The following PPP2R5C variants were observed in gnomAD, a reference collection of about 807,000 sequenced individuals.
PPP2R5C encodes the protein serine/threonine-protein phosphatase 2A 56 kDa regulatory subunit gamma isoform.
PPP2R5C carries 7 observed loss-of-function variants against 68.9 expected under a neutral mutation model. That is an observed-to-expected ratio of 0.10 (90% CI 0.06 to 0.19). The LOEUF (loss-of-function observed/expected upper bound fraction) is 0.19. Among genes scored for constraint, PPP2R5C ranks in the 10% least tolerant of loss-of-function variants. The probability of loss-of-function intolerance (pLI) is 1.00; values close to 1 mark genes in which losing one functional copy is unlikely to be tolerated. For missense variants in PPP2R5C, 348 were observed against 641.3 expected (o/e 0.54, Z 4.94); for synonymous variants, 210 against 222.2 (o/e 0.95, Z 0.49).
At chr14:101,907,040 C>T (rs971957519) in intron 10 of PPP2R5C, among the ~76,000 whole-genome samples, 4 of 152,174 alleles carry the variant, frequency 2.6e-5, no homozygotes, top group Non-Finnish European at 5.9e-5. Flanking sequence ...CCTCCTACTC[C>T]GCTCCTTCAT....
At chr14:101,874,238 A>C (rs1258095788) in intron 2 of PPP2R5C, among the ~76,000 whole-genome samples, 1 of 152,220 alleles carries the variant, frequency 6.6e-6, no homozygotes, top group African/African-American at 2.4e-5. Context: ...ATCACGTTGG[A>C]TAGAGAGTAT....
chr14:101,913,927 T>C lies in PPP2R5C; in HGVS notation c.1326+1454T>C, dbSNP rs1238108395. The stretch of plus-strand genomic sequence containing the variant: ...ACGAATCAGAAGGTCTGATTTTATG[T>C]ACCTAGAATATAGAGATAACTTATT... On this transcript the variant is annotated intron_variant, in intron 12 of 13. Coordinates refer to ENST00000334743, the Ensembl canonical transcript of PPP2R5C. The surrounding 1 kb of genome is among the most constrained non-coding windows in gnomAD (Gnocchi z 4.1). Among the ~76,000 whole-genome samples the C allele has an allele frequency of 6.6e-6, 1 of 152,188 alleles. No homozygotes were observed. The highest frequency in any genetic ancestry group is 2.4e-5 in the African/African-American group (1 of 41,436).
chr14:101,906,655 T>C lies in PPP2R5C; in HGVS notation c.1151+126T>C. On this transcript the variant is annotated intron_variant, in intron 10 of 13. Transcript: ENST00000334743. The surrounding 1 kb of genome is among the most constrained non-coding windows in gnomAD (Gnocchi z 4.0). ...TAAAAAACAAGAAGGTCAGTTGCTT[T>C]GTGGACTCATAAATTAAGTAGCAGC... 1 of 1,275,024 alleles carries C rather than the reference T, an allele frequency of 7.8e-7. No homozygotes were observed. The highest frequency in any genetic ancestry group is 1.5e-5 in the African/African-American group (1 of 65,784). The allele number at this position is 1,275,024 out of a possible 1,614,324, so 79.0% of individuals were successfully genotyped here. A position where few individuals can be genotyped will look rare whatever the true frequency, so the allele number is the denominator to read the frequency against.
chr14:101,808,089 CAG>C (rs540090613), upstream of PPP2R5C, among the ~76,000 whole-genome samples: 2 of 151,148 alleles, frequency 1.3e-5, no homozygotes, highest in South Asian at 4.2e-4. Flanking sequence ...TGGCATCACT[CAG>C]AGGAGGAGGA....
chr14:101,854,193 G>A (rs1048886144), intron 1 of PPP2R5C, among the ~76,000 whole-genome samples: 1 of 152,144 alleles, frequency 6.6e-6, no homozygotes, highest in Non-Finnish European at 1.5e-5. Flanking sequence ...TTCTCATGGT[G>A]TTTTAGGATC....
intron 1 of PPP2R5C, among the ~76,000 whole-genome samples, chr14:101,814,026 A>G (rs140715608): frequency 4.9e-4 from 74 of 152,368 alleles, no homozygotes; most frequent in Non-Finnish European, 6.6e-4. Flanking sequence ...GACTTAACCT[A>G]TATTAATAAT....
At chr14:101,763,230 A>T (rs374906749) in intron 2 of PPP2R5C, among the ~76,000 whole-genome samples, 6 of 150,292 alleles carry the variant, frequency 4.0e-5, no homozygotes, top group African/African-American at 1.5e-4. Flanking sequence ...TTTGTTTTTT[A>T]TTTTTTTGAG....
At chr14:101,831,481 A>C (rs1005513423) in intron 1 of PPP2R5C, among the ~76,000 whole-genome samples, 2 of 152,372 alleles carry the variant, frequency 1.3e-5, no homozygotes, top group East Asian at 3.9e-4. Flanking sequence ...GCCAGTGGGC[A>C]TAGCATCTTT....
At chr14:101,769,414 G>A (rs2037035275) in intron 2 of PPP2R5C, among the ~76,000 whole-genome samples, 1 of 152,190 alleles carries the variant, frequency 6.6e-6, no homozygotes, top group Non-Finnish European at 1.5e-5. Context: ...GAAGTATTGA[G>A]TTGGTGGGTT....
chr14:101,880,859 AAGACTGGGTATCT>A (rs1457982355), intron 2 of PPP2R5C, among the ~76,000 whole-genome samples: 1 of 152,216 alleles, frequency 6.6e-6, no homozygotes. Context: ...TGGTCTTTAC[AAGACTGGGTATCT>A]AAAGCCAGCC....
intron 2 of PPP2R5C, among the ~76,000 whole-genome samples, chr14:101,873,644 A>G (rs1028636411): frequency 5.9e-5 from 9 of 152,152 alleles, no homozygotes; most frequent in South Asian, 2.1e-4. Context: ...GTTTTCTCAC[A>G]CAAATATGCT....
intron 1 of PPP2R5C, among the ~76,000 whole-genome samples, chr14:101,848,659 G>A (rs1482661982): frequency 6.6e-6 from 1 of 152,176 alleles, no homozygotes; most frequent in African/African-American, 2.4e-5. Context: ...CTAAAACCAC[G>A]CAGGAAACGG....
At chr14:101,927,406 G>C (rs900461573) in exon 14 of PPP2R5C, 5 of 152,628 alleles carry the variant, frequency 3.3e-5, no homozygotes, top group Non-Finnish European at 7.3e-5. Flanking sequence ...TTAGTACTCG[G>C]ACTCCTGTGC....
intron 2 of PPP2R5C, among the ~76,000 whole-genome samples, chr14:101,873,842 C>T (rs574595745): frequency 2.0e-5 from 3 of 152,300 alleles, no homozygotes; most frequent in South Asian, 4.1e-4. Flanking sequence ...GAGCCTGGGG[C>T]GGTGTGGGAC....
At position 101,825,720 on chromosome 14, in the gene PPP2R5C, T is replaced by C. The variant is rs574220331; in HGVS notation, c.94+15684T>C. Among the ~76,000 whole-genome samples the C allele has an allele frequency of 2.0e-5, 3 of 152,326 alleles. No individual in the cohort carries two copies. The highest frequency in any genetic ancestry group is 7.2e-5 in the African/African-American group (3 of 41,572). ...GTGTAGTTAGCCTGTTCAGTTTTTG[T>C]AGGTGAATGGTAAAGCTGTCAAAAC... On this transcript the variant is annotated intron_variant, in intron 1 of 13. Coordinates refer to ENST00000334743, the Ensembl canonical transcript of PPP2R5C. The surrounding 1 kb of genome is among the most constrained non-coding windows in gnomAD (Gnocchi z 4.0).
At chr14:101,862,795 A>G (rs2042824819) in intron 2 of PPP2R5C, among the ~76,000 whole-genome samples, 1 of 149,906 alleles carries the variant, frequency 6.7e-6, no homozygotes, top group African/African-American at 2.5e-5. Flanking sequence ...AATACATGTC[A>G]TTTACACTAA....
At chr14:101,827,225 C>T (rs946704985) in intron 1 of PPP2R5C, among the ~76,000 whole-genome samples, 40 of 152,088 alleles carry the variant, frequency 2.6e-4, no homozygotes, top group Non-Finnish European at 4.0e-4. Context: ...ATCTGCCCGC[C>T]TTGACCTCCC....
At chr14:101,794,166 G>A (rs553577291) in intron 3 of PPP2R5C, among the ~76,000 whole-genome samples, 5 of 152,174 alleles carry the variant, frequency 3.3e-5, no homozygotes, top group Non-Finnish European at 5.9e-5. Flanking sequence ...CACAAGGGAC[G>A]TGCCCTCTTC....
At chr14:101,806,702 G>A (rs539238734), upstream of PPP2R5C, among the ~76,000 whole-genome samples, 1 of 152,330 alleles carries the variant, frequency 6.6e-6, no homozygotes, top group South Asian at 2.1e-4. Flanking sequence ...GCTCATGCCT[G>A]CAATCTCAGC....
Sources: gnomAD v4.1 joint callset for allele counts (sites outside exome capture counted in the v4.1 genomes callset) on GRCh38, gnomAD v4.1.1 for gene constraint, Gnocchi (gnomAD v3.1) non-coding constraint, MANE v1.5 for transcripts, NCBI Gene and HGNC (gene_info 2026-07-23, HGNC 2026-07-21) for gene names.